The following DOK5 variants were observed in gnomAD, a reference collection of about 807,000 sequenced individuals.
DOK5 encodes the protein downstream of tyrosine kinase 5.
A neutral mutation model predicts 43.3 loss-of-function variants in DOK5; 27 were observed. That is an observed-to-expected ratio of 0.62 (90% confidence interval 0.46 to 0.86). The LOEUF (loss-of-function observed/expected upper bound fraction) is 0.86. Among genes scored for constraint, DOK5 ranks in the 40% least tolerant of loss-of-function variants. The probability of loss-of-function intolerance (pLI) is 0.00; values close to 1 mark genes in which losing one functional copy is unlikely to be tolerated. For synonymous variants in DOK5, 146 were observed against 140.1 expected (o/e 1.04, Z -0.30); for missense variants, 373 against 392.9 (o/e 0.95, Z 0.43).
chr20:54,568,919 A>G (rs55805565), intron 2 of DOK5, among the ~76,000 whole-genome samples: 29,401 of 150,280 alleles, frequency 0.2, 3,155 homozygotes, highest in African/African-American at 0.28. Context: ...GCGACAGAGC[A>G]AGACTCTATC....
chr20:54,544,563 A>G (rs1236909749), intron 1 of DOK5, among the ~76,000 whole-genome samples: 4 of 152,234 alleles, frequency 2.6e-5, no homozygotes, highest in African/African-American at 9.6e-5. Context: ...GTCAAGACAG[A>G]GGAATTGCAG....
At chr20:54,479,522 A>G (rs374622303) in intron 1 of DOK5, among the ~76,000 whole-genome samples, 283 of 152,368 alleles carry the variant, frequency 1.9e-3, no homozygotes, top group Middle Eastern at 0.01. Context: ...ATAGCATCAT[A>G]TAACAATTCT....
intron 6 of DOK5, among the ~76,000 whole-genome samples, chr20:54,637,577 T>C (rs1472042990): frequency 6.6e-6 from 1 of 152,272 alleles, no homozygotes; most frequent in Non-Finnish European, 1.5e-5. Context: ...TGAAGTAGTC[T>C]TATTGCCACG....
At chr20:54,606,216 A>G (rs1267608766) in intron 5 of DOK5, among the ~76,000 whole-genome samples, 1 of 152,230 alleles carries the variant, frequency 6.6e-6, no homozygotes, top group Non-Finnish European at 1.5e-5. Flanking sequence ...TATGGCAGCA[A>G]TATTATTATA....
At chr20:54,562,276 T>G (rs1984934670) in intron 2 of DOK5, among the ~76,000 whole-genome samples, 1 of 152,216 alleles carries the variant, frequency 6.6e-6, no homozygotes, top group Admixed American at 6.5e-5. Flanking sequence ...GTAGAAATGT[T>G]AGGGAACCCT....
chr20:54,509,440 C>T (rs935015975), intron 1 of DOK5, among the ~76,000 whole-genome samples: 5 of 152,130 alleles, frequency 3.3e-5, no homozygotes, highest in East Asian at 1.9e-4. Flanking sequence ...GCAATCCTCT[C>T]ACCTCCGCCT....
chr20:54,482,013 A>G (rs1981740887), intron 1 of DOK5, among the ~76,000 whole-genome samples: 1 of 152,230 alleles, frequency 6.6e-6, no homozygotes, highest in African/African-American at 2.4e-5. Flanking sequence ...TTTCTACTGC[A>G]ATTGTTCATA....
chr20:54,548,642 T>C lies in DOK5; in HGVS notation c.67-6291T>C, dbSNP rs181657482. Among the ~76,000 whole-genome samples, 94 of 152,332 alleles carry C rather than the reference T, an allele frequency of 6.2e-4. 2 individuals carry two copies. Among genetic ancestry groups the C allele is most frequent in the African/African-American group, 2.2e-3 (90 of 41,580 alleles). On this transcript the variant is annotated intron_variant, in intron 1 of 7. Transcript: ENST00000262593. Reference sequence around the variant, plus strand: ...AAAAAGTCAATTTAAAGAAAAATGTTAACTAAACAATACTATAGATGACAA... The same window carrying C: ...AAAAAGTCAATTTAAAGAAAAATGTCAACTAAACAATACTATAGATGACAA...
intron 2 of DOK5, among the ~76,000 whole-genome samples, chr20:54,571,675 C>A (rs1044323023): frequency 1.3e-5 from 2 of 152,138 alleles, no homozygotes; most frequent in African/African-American, 4.8e-5. Context: ...GACCACTGGC[C>A]TGTGGAATCA....
intron 1 of DOK5, among the ~76,000 whole-genome samples, chr20:54,478,121 G>A (rs561033926): frequency 8.1e-4 from 124 of 152,296 alleles, no homozygotes; most frequent in Non-Finnish European, 1.3e-3. Context: ...GGAGAGAAAA[G>A]GTCAAAAATA....
chr20:54,519,011 C>T (rs1327315404), intron 1 of DOK5, among the ~76,000 whole-genome samples: 1 of 152,174 alleles, frequency 6.6e-6, no homozygotes, highest in East Asian at 1.9e-4. Flanking sequence ...GAGATACCAT[C>T]TCACACCAGT....
intron 1 of DOK5, among the ~76,000 whole-genome samples, chr20:54,490,085 G>T (rs1419144531): frequency 6.6e-6 from 1 of 152,162 alleles, no homozygotes; most frequent in Non-Finnish European, 1.5e-5. Context: ...AATCTTTTCA[G>T]TTGTGCAGGC....
chr20:54,569,835 C>T (rs776368309), intron 2 of DOK5, among the ~76,000 whole-genome samples: 17 of 152,144 alleles, frequency 1.1e-4, no homozygotes, highest in Non-Finnish European at 1.6e-4. Flanking sequence ...CTCAGACAGG[C>T]GCTAGTCCCT....
At chr20:54,493,229 T>A (rs1982262314) in intron 1 of DOK5, among the ~76,000 whole-genome samples, 1 of 152,176 alleles carries the variant, frequency 6.6e-6, no homozygotes, top group Non-Finnish European at 1.5e-5. Flanking sequence ...CACATGAATA[T>A]CTCTGAAATG....
intron 5 of DOK5, among the ~76,000 whole-genome samples, chr20:54,599,639 A>G (rs902742574): frequency 6.6e-6 from 1 of 152,186 alleles, no homozygotes; most frequent in Non-Finnish European, 1.5e-5. Flanking sequence ...GAAAGAAAGG[A>G]TGACTTTTTT....
chr20:54,588,756 G>A lies in DOK5; in HGVS notation c.359G>A (p.Ser120Asn). ...GTAGGAACACGGATCAATGACATCA[G>A]CCTTGGAGAGCCTGACTTACTGGCC... is the stretch of plus-strand genomic sequence containing the variant. Reference protein sequence around the residue: ...ECVGTRINDISLGEPDLLATG... With the variant: ...ECVGTRINDINLGEPDLLATG... Residue 120 changes from serine (S) to asparagine (N), a missense_variant, in exon 4 of 8, where the codon AGC becomes AAC. By Grantham distance (46) the Ser-to-Asn change is conservative. Transcript: ENST00000262593. 3 of 1,614,028 alleles carry A rather than the reference G, an allele frequency of 1.9e-6. No individual in the cohort carries two copies. The highest frequency in any genetic ancestry group is 2.5e-6 in the Non-Finnish European group (3 of 1,179,956).
In DOK5 at chr20:54,624,094, G is replaced by A. The variant is rs1987068606; in HGVS notation, c.735+13571G>A. ...CTATGAGGTAAGGCCCCTGTCTTCT[G>A]TGCAGCTCATAGCCTAGTACTCAGC... On this transcript the variant is annotated intron_variant, in intron 6 of 7. Coordinates refer to ENST00000262593, the MANE Select transcript of DOK5 (RefSeq NM_018431.5). Among the ~76,000 whole-genome samples, 3 of 152,226 alleles carry A rather than the reference G, an allele frequency of 2.0e-5. No homozygotes were observed. In the South Asian group the frequency reaches 6.2e-4, roughly 32 times the overall value.
chr20:54,555,171 A>G, intron 2 of DOK5, 131 bp downstream of exon 2: 1 of 632,584 alleles, frequency 1.6e-6, no homozygotes, highest in South Asian at 1.9e-5. Flanking sequence ...AAACACCCCT[A>G]AAATAACATC....
At chr20:54,488,431 C>A (rs1475077765) in intron 1 of DOK5, among the ~76,000 whole-genome samples, 1 of 152,232 alleles carries the variant, frequency 6.6e-6, no homozygotes, top group African/African-American at 2.4e-5. Flanking sequence ...TGACTCCTCA[C>A]ATCCTTCTAG....
Sources: gnomAD v4.1 joint callset for allele counts (sites outside exome capture counted in the v4.1 genomes callset) on GRCh38, gnomAD v4.1.1 for gene constraint, MANE v1.5 for transcripts, NCBI Gene and HGNC (gene_info 2026-07-23, HGNC 2026-07-21) for gene names.